TIAM1: variants seen among roughly 807,000 people sequenced by gnomAD.
TIAM1 encodes TIAM Rac1 associated GEF 1.
TIAM1 carries 65 observed loss-of-function variants against 163.5 expected under a neutral mutation model. The observed-to-expected ratio is 0.40, with a 90% CI of 0.33 to 0.49. The LOEUF (loss-of-function observed/expected upper bound fraction) is 0.49. Ranked by LOEUF, TIAM1 falls within the 20% of genes least tolerant of loss-of-function variation. TIAM1 has a pLI of 0.77. For synonymous variants in TIAM1, 833 were observed against 810.1 expected, an observed-to-expected ratio of 1.03 and a Z score of -0.48; for missense variants, 1,789 against 2,044.7, an observed-to-expected ratio of 0.87 and a Z score of 2.41.
At chr21:31,181,596 C>T (rs1308919869) in intron 15 of TIAM1, among the ~76,000 whole-genome samples, 1 of 151,816 alleles carries the variant, frequency 6.6e-6, no homozygotes, top group Admixed American at 6.6e-5. Context: ...CACATTTCCA[C>T]TCTGGGCCTC....
chr21:31,334,742 G>A (rs1157511405), intron 2 of TIAM1, among the ~76,000 whole-genome samples: 4 of 152,174 alleles, frequency 2.6e-5, no homozygotes, highest in Non-Finnish European at 5.9e-5. Flanking sequence ...AGAGAGAAAA[G>A]GCTGTGTGCT....
chr21:31,298,665 G>GT (rs1173909427), intron 2 of TIAM1, among the ~76,000 whole-genome samples: 2 of 151,742 alleles, frequency 1.3e-5, no homozygotes, highest in African/African-American at 2.4e-5. Flanking sequence ...AATCACTAAC[G>GT]TGACAGACGT....
At chr21:31,233,400 T>A (rs889597766) in intron 6 of TIAM1, among the ~76,000 whole-genome samples, 6 of 152,198 alleles carry the variant, frequency 3.9e-5, no homozygotes, top group Non-Finnish European at 7.3e-5. Context: ...AAGCTATTAT[T>A]TTTAATATCT....
chr21:31,308,330 G>A (rs1337988259), intron 2 of TIAM1, among the ~76,000 whole-genome samples: 2 of 152,070 alleles, frequency 1.3e-5, no homozygotes, highest in South Asian at 2.1e-4. Context: ...TCATTTCCTC[G>A]TTTGTATAAG....
chr21:31,374,111 A>G (rs900345853), intron 2 of TIAM1, among the ~76,000 whole-genome samples: 2 of 151,928 alleles, frequency 1.3e-5, no homozygotes, highest in Non-Finnish European at 2.9e-5. Context: ...TAAATTCTGT[A>G]CCAATTACAG....
At chr21:31,203,933 G>T (rs1386105952) in intron 11 of TIAM1, among the ~76,000 whole-genome samples, 2 of 152,224 alleles carry the variant, frequency 1.3e-5, no homozygotes, top group Admixed American at 6.5e-5. Context: ...CACACTGAAT[G>T]ACTCGCTCAA....
chr21:31,266,313 C>T lies in TIAM1; in HGVS notation c.660G>A (p.Pro220=), dbSNP rs374794029. The change falls in exon 4 of 28, where the codon CCG becomes CCA. Residue 220 remains proline, a synonymous_variant. Coordinates refer to ENST00000541036, the MANE Select transcript of TIAM1 (RefSeq NM_001353694.2). The stretch of plus-strand genomic sequence containing the variant: ...CTCTCTGACAGGTGCTGAGCTGCCG[C>T]GGACTCGCCCGCGTTTCCATCCCCC... ...EARGMETRAS[P]RQLSTCQRAN... is the part of the protein sequence containing the mutation. The T allele has an allele frequency of 6.1e-5, 98 of 1,614,092 alleles. No individual in the cohort carries two copies. The highest frequency in any genetic ancestry group is 8.1e-5 in the Non-Finnish European group (95 of 1,180,034).
At chr21:31,519,773 T>C (rs1452491436) in intron 1 of TIAM1, among the ~76,000 whole-genome samples, 2 of 152,008 alleles carry the variant, frequency 1.3e-5, no homozygotes, top group Non-Finnish European at 2.9e-5. Flanking sequence ...CCTAAAAACA[T>C]CATGCTAAGA....
At position 31,395,722 on chromosome 21, in the gene TIAM1, C is replaced by T. The variant is rs146755739; in HGVS notation, c.-368-56300G>A. Among the ~76,000 whole-genome samples the T allele has an allele frequency of 9.1e-4, 138 of 152,218 alleles. 1 individual carries two copies. Among genetic ancestry groups the T allele is most frequent in the Middle Eastern group, 3.4e-3 (1 of 294 alleles). ...GGAGGGGGCGCATGCGTTCCCCTGG[C>T]TGTCGCGTGAAAATTTTTGCTTTAT... is the stretch of plus-strand genomic sequence containing the variant. On this transcript the variant is annotated intron_variant, in intron 2 of 28. Coordinates refer to the TIAM1 transcript ENST00000286827. The surrounding 1 kb of genome is among the most constrained non-coding windows in gnomAD (Gnocchi z 7.5).
At chr21:31,221,163 A>G (rs1375317442) in intron 8 of TIAM1, among the ~76,000 whole-genome samples, 1 of 152,178 alleles carries the variant, frequency 6.6e-6, no homozygotes, top group Non-Finnish European at 1.5e-5. Context: ...AGAGTTCCTA[A>G]TAAATCAGAC....
intron 1 of TIAM1, among the ~76,000 whole-genome samples, chr21:31,502,965 A>G (rs1050901247): frequency 7.2e-5 from 11 of 152,110 alleles, no homozygotes; most frequent in East Asian, 3.9e-4. Context: ...AAAATAGAGG[A>G]AAAAAAAGGA....
Position 31,141,076 on chromosome 21 carries a change from C to A in TIAM1, c.3774+42G>T, listed in dbSNP as rs369488762. 1 of 1,463,630 alleles carries A rather than the reference C, an allele frequency of 6.8e-7. No homozygotes were observed. The highest frequency in any genetic ancestry group is 9.3e-7 in the Non-Finnish European group (1 of 1,073,104). The allele number at this position is 1,463,630 out of a possible 1,614,324, so 90.7% of individuals were successfully genotyped here. On this transcript the variant is annotated intron_variant, in intron 22 of 27. Coordinates refer to ENST00000541036, the MANE Select transcript of TIAM1 (RefSeq NM_001353694.2). This position sits in a 1 kb window ranked among gnomAD's most constrained non-coding sequence, Gnocchi z 4.7. ...AAATAAATAAAAGCAAACTCAAACT[C>A]GGCTTTCCTGACAGATGTCCTGAGA...
intron 2 of TIAM1, among the ~76,000 whole-genome samples, chr21:31,362,393 C>G (rs1009133777): frequency 6.6e-6 from 1 of 151,586 alleles, no homozygotes; most frequent in African/African-American, 2.4e-5. Flanking sequence ...ACCCAAGGTT[C>G]GCCTTTCTCT....
intron 2 of TIAM1, among the ~76,000 whole-genome samples, chr21:31,457,225 C>T (rs1051193606): frequency 1.3e-5 from 2 of 152,250 alleles, no homozygotes; most frequent in African/African-American, 4.8e-5. Flanking sequence ...AATCCCAGCA[C>T]GAACTTCACA....
At chr21:31,537,661 A>C (rs548696282) in intron 1 of TIAM1, among the ~76,000 whole-genome samples, 8 of 152,208 alleles carry the variant, frequency 5.3e-5, no homozygotes, top group African/African-American at 1.9e-4. Context: ...CTGAGACACA[A>C]GAATTGCTCG....
chr21:31,140,994 A>C, intron 22 of TIAM1, 124 bp downstream of exon 22: 4 of 720,012 alleles, frequency 5.6e-6, no homozygotes, highest in Non-Finnish European at 8.9e-6. Context: ...TCCACTAAGA[A>C]AAACAACAGC....
chr21:31,349,348 A>T (rs1338717163), intron 2 of TIAM1, among the ~76,000 whole-genome samples: 1 of 152,214 alleles, frequency 6.6e-6, no homozygotes, highest in Non-Finnish European at 1.5e-5. Flanking sequence ...GATAACAAAG[A>T]AGGCCAAGGA....
chr21:31,524,311 G>C (rs1344355901), intron 1 of TIAM1, among the ~76,000 whole-genome samples: 6 of 152,168 alleles, frequency 3.9e-5, no homozygotes, highest in Non-Finnish European at 7.3e-5. Context: ...GGAGGAGCAA[G>C]AGAGAGTAGA....
At chr21:31,301,120 C>T (rs2074480267) in intron 2 of TIAM1, among the ~76,000 whole-genome samples, 1 of 152,052 alleles carries the variant, frequency 6.6e-6, no homozygotes, top group South Asian at 2.1e-4. Flanking sequence ...TACACAACAG[C>T]TATTATGAAT....
Sources: allele counts gnomAD v4.1 joint callset (sites outside exome capture counted in the v4.1 genomes callset), GRCh38; gene constraint gnomAD v4.1.1; non-coding constraint Gnocchi (gnomAD v3.1); transcripts MANE v1.5; gene names NCBI Gene and HGNC (gene_info 2026-07-23, HGNC 2026-07-21).